The following FAR2 variants were observed in gnomAD, a reference collection of about 807,000 sequenced individuals.
FAR2 encodes the protein epididymis secretory protein Li 81.
A neutral mutation model predicts 56.0 loss-of-function variants in FAR2; 19 were observed. That is an observed-to-expected ratio of 0.34 (90% CI 0.24 to 0.50). The LOEUF (loss-of-function observed/expected upper bound fraction) is 0.50, where lower values mean the gene tolerates loss of function less well. Ranked by LOEUF, FAR2 falls within the 20% of genes least tolerant of loss-of-function variation. The probability of loss-of-function intolerance (pLI) is 0.98; values close to 1 mark genes in which losing one functional copy is unlikely to be tolerated. For missense variants in FAR2, 508 were observed against 642.2 expected (o/e 0.79, Z 2.26); for synonymous variants, 219 against 218.8 (o/e 1.00, Z -0.01).
intron 1 of FAR2, among the ~76,000 whole-genome samples, chr12:29,258,262 G>A (rs1948360636): frequency 6.6e-6 from 1 of 152,038 alleles, no homozygotes; most frequent in Non-Finnish European, 1.5e-5. Flanking sequence ...GGCTGAGACA[G>A]GAGAATTGCT....
chr12:29,184,892 T>C (rs533191059), intron 1 of FAR2, among the ~76,000 whole-genome samples: 2 of 152,320 alleles, frequency 1.3e-5, no homozygotes, highest in African/African-American at 2.4e-5. Context: ...TCAGTAGGAA[T>C]AGGTAAAAAT....
At chr12:29,272,633 C>T (rs1304068684) in intron 2 of FAR2, among the ~76,000 whole-genome samples, 1 of 152,192 alleles carries the variant, frequency 6.6e-6, no homozygotes, top group African/African-American at 2.4e-5. Flanking sequence ...CTACTTCTGT[C>T]AATTTGTCCA....
intron 1 of FAR2, among the ~76,000 whole-genome samples, chr12:29,155,883 T>G (rs1386841343): frequency 6.6e-6 from 1 of 152,228 alleles, no homozygotes; most frequent in Admixed American, 6.5e-5. Context: ...AATTGTTTTG[T>G]TTTTCATTTA....
intron 1 of FAR2, among the ~76,000 whole-genome samples, chr12:29,182,760 A>G (rs983063200): frequency 1.3e-5 from 2 of 152,148 alleles, no homozygotes; most frequent in African/African-American, 4.8e-5. Flanking sequence ...CTCAACATCA[A>G]GGATGTAGAT....
chr12:29,254,950 CAA>C (rs759782873), intron 1 of FAR2, among the ~76,000 whole-genome samples: 19 of 121,530 alleles, frequency 1.6e-4, no homozygotes, highest in Middle Eastern at 4.4e-3. Flanking sequence ...AAGACTGTCT[CAA>C]AAAAAAAAAA....
intron 1 of FAR2, among the ~76,000 whole-genome samples, chr12:29,168,521 T>G (rs1341438703): frequency 6.6e-6 from 1 of 152,226 alleles, no homozygotes; most frequent in African/African-American, 2.4e-5. Context: ...AGTATTCATC[T>G]TGTGTCCAGA....
chr12:29,286,823 C>G (rs2136737496), intron 2 of FAR2, among the ~76,000 whole-genome samples: 1 of 151,590 alleles, frequency 6.6e-6, no homozygotes, highest in African/African-American at 2.4e-5. Flanking sequence ...TCTTTAAGAA[C>G]AGCAAAATAT....
intron 1 of FAR2, among the ~76,000 whole-genome samples, chr12:29,211,615 T>TA (rs1227304076): frequency 1.3e-5 from 2 of 152,114 alleles, no homozygotes; most frequent in Non-Finnish European, 2.9e-5. Context: ...ACTGACCCTT[T>TA]AAGTTACTGA....
intron 1 of FAR2, among the ~76,000 whole-genome samples, chr12:29,178,362 G>C (rs1949958661): frequency 1.3e-5 from 2 of 152,216 alleles, no homozygotes; most frequent in African/African-American, 4.8e-5. Flanking sequence ...GGGAGGCTGA[G>C]GTGGGCAGAT....
intron 10 of FAR2, among the ~76,000 whole-genome samples, chr12:29,324,998 GA>G (rs199994645): frequency 0.31 from 47,528 of 151,570 alleles, 7,427 homozygotes; most frequent in East Asian, 0.35. Context: ...CTGTATTCAG[GA>G]AACCCATCTC....
chr12:29,238,643 C>G (rs1947978638), intron 1 of FAR2, among the ~76,000 whole-genome samples: 1 of 152,178 alleles, frequency 6.6e-6, no homozygotes, highest in South Asian at 2.1e-4. Context: ...TTTACTTATG[C>G]TAAACTGTAC....
chr12:29,286,941 G>A (rs901190591), intron 2 of FAR2, among the ~76,000 whole-genome samples: 1 of 152,128 alleles, frequency 6.6e-6, no homozygotes, highest in Non-Finnish European at 1.5e-5. Context: ...CGATAGTCAG[G>A]TGGTTGGCAT....
Position 29,232,814 on chromosome 12 carries a change from C to T in FAR2, c.-38-37598C>T, listed in dbSNP as rs562784605. Among the ~76,000 whole-genome samples, 642 of 145,998 alleles carry T rather than the reference C, an allele frequency of 4.4e-3. 2 individuals carry two copies. The highest frequency in any genetic ancestry group is 6.5e-3 in the Non-Finnish European group (437 of 67,474). On this transcript the variant is annotated intron_variant, in intron 1 of 11. Transcript: ENST00000536681. Reference sequence around the variant, plus strand: ...ACAAACACACACACACACACATACGCGCTCGCGCACACACACACACACACA... The same window carrying T: ...ACAAACACACACACACACACATACGTGCTCGCGCACACACACACACACACA...
intron 1 of FAR2, chr12:29,156,567 T>C (rs941806782): frequency 6.6e-6 from 1 of 152,216 alleles, no homozygotes; most frequent in Non-Finnish European, 1.5e-5. Flanking sequence ...CTTAACTGTT[T>C]TATTTTATTA....
chr12:29,251,679 G>T (rs1948213429), intron 1 of FAR2, among the ~76,000 whole-genome samples: 1 of 152,150 alleles, frequency 6.6e-6, no homozygotes, highest in Non-Finnish European at 1.5e-5. Flanking sequence ...GGTGGGAAAG[G>T]CTAAGAAGAA....
At chr12:29,198,126 C>G (rs1389628895) in intron 1 of FAR2, among the ~76,000 whole-genome samples, 1 of 152,182 alleles carries the variant, frequency 6.6e-6, no homozygotes, top group Admixed American at 6.5e-5. Flanking sequence ...AAAAAACATG[C>G]TTGGAGAGTT....
chr12:29,157,104 TTTTATATA>T (rs1167533816), intron 1 of FAR2: 5 of 53,684 alleles, frequency 9.3e-5, no homozygotes, highest in Admixed American at 2.6e-4. Context: ...GCAAAGAACA[TTTTATATA>T]TATATATATA....
At chr12:29,308,188 C>G in intron 5 of FAR2, 1 of 179,818 alleles carries the variant, frequency 5.6e-6, no homozygotes, top group Non-Finnish European at 1.2e-5. Flanking sequence ...AGTATTACAA[C>G]TGCCAGGGTA....
chr12:29,324,775 A>G (rs1297639105), intron 10 of FAR2, among the ~76,000 whole-genome samples: 1 of 152,154 alleles, frequency 6.6e-6, no homozygotes, highest in East Asian at 1.9e-4. Flanking sequence ...GGAACAACTG[A>G]TACCAGCCAC....
Sources: gnomAD v4.1 joint callset for allele counts (sites outside exome capture counted in the v4.1 genomes callset) on GRCh38, gnomAD v4.1.1 for gene constraint, MANE v1.5 for transcripts, NCBI Gene and HGNC (gene_info 2026-07-23, HGNC 2026-07-21) for gene names.